DAB1: variants seen among roughly 807,000 people sequenced by gnomAD.
The protein encoded by DAB1 is disabled homolog 1.
DAB1 carries 15 observed loss-of-function variants against 64.6 expected under a neutral mutation model. The observed-to-expected ratio is 0.23, with a 90% CI of 0.16 to 0.36. The LOEUF is 0.36. DAB1 is among the 10% of genes least tolerant of loss of function. The pLI is 1.00. For missense variants in DAB1, 596 were observed against 706.7 expected (o/e 0.84, Z 1.78); for synonymous variants, 235 against 251.9 (o/e 0.93, Z 0.64).
At position 58,179,693 on chromosome 1, in the gene DAB1, AT is replaced by A. The variant is rs372793183; in HGVS notation, n.310-29106del. ...TAGTAATGTCATCTCTTTCATTCCA[AT>A]TTTTTTCATTTGCCTTTTGTCTCTT... On this transcript the variant is annotated intron_variant and non_coding_transcript_variant, in intron 4 of 20. Coordinates refer to the DAB1 transcript ENST00000485760. 3.6e-3 allele frequency among the ~76,000 whole-genome samples: 550 copies of A among 151,888 alleles called. 1 individual carries two copies. The highest frequency in any genetic ancestry group is 0.013 in the African/African-American group (535 of 41,460).
At chr1:58,215,257 C>T (rs1557698784) in intron 4 of DAB1, among the ~76,000 whole-genome samples, 3 of 152,112 alleles carry the variant, frequency 2.0e-5, no homozygotes, top group Non-Finnish European at 4.4e-5. Flanking sequence ...TAAAATTCTT[C>T]CCCAAGATCC....
chr1:57,181,916 C>T (rs773189357), intron 2 of DAB1, among the ~76,000 whole-genome samples: 6 of 152,106 alleles, frequency 3.9e-5, no homozygotes, highest in Admixed American at 6.5e-5. Context: ...GATGGAGTCT[C>T]GCTCTGTCAC....
At chr1:58,115,998 AAT>A (rs1652308102) in intron 5 of DAB1, among the ~76,000 whole-genome samples, 1 of 150,682 alleles carries the variant, frequency 6.6e-6, no homozygotes, top group Admixed American at 6.6e-5. Context: ...AAAAAAAAAA[AAT>A]TAATATTAAA....
At chr1:57,183,443 A>T (rs775972079) in intron 2 of DAB1, among the ~76,000 whole-genome samples, 9 of 152,176 alleles carry the variant, frequency 5.9e-5, no homozygotes, top group Admixed American at 1.3e-4. Context: ...AGTTGCCACG[A>T]TTATGGGTTG....
In DAB1 at chr1:57,585,329, A is replaced by G. The variant is rs370429297; in HGVS notation, n.625+64263T>C. Among the ~76,000 whole-genome samples the G allele has an allele frequency of 3.9e-5, 6 of 152,032 alleles. No individual in the cohort carries two copies. The South Asian group carries it at 8.3e-4, about 21-fold the overall frequency. ...GAGAAACCTTTAAACCAAAGAGACA[A>G]CAAAGTTAGATTTTTAAAGATTATA... is the stretch of plus-strand genomic sequence containing the variant. On this transcript the variant is annotated intron_variant and non_coding_transcript_variant, in intron 7 of 20. Transcript: ENST00000485760.
chr1:57,912,172 G>C (rs1370264317), intron 5 of DAB1, among the ~76,000 whole-genome samples: 7 of 152,126 alleles, frequency 4.6e-5, no homozygotes, highest in African/African-American at 1.4e-4. Flanking sequence ...TGTATGTCAC[G>C]TACTCACAGA....
chr1:57,606,679 ATTATG>A (rs1404250651), intron 7 of DAB1, among the ~76,000 whole-genome samples: 28 of 71,904 alleles, frequency 3.9e-4, no homozygotes, highest in Admixed American at 8.0e-4. Context: ...TGAAATATAT[ATTATG>A]TATGAAATAT....
intron 3 of DAB1, among the ~76,000 whole-genome samples, chr1:57,140,763 A>G (rs1405171849): frequency 1.3e-5 from 2 of 152,188 alleles, no homozygotes; most frequent in Non-Finnish European, 2.9e-5. Flanking sequence ...ATTAAGCAAT[A>G]CCACGTGCTA....
chr1:57,083,135 T>C (rs952455556), intron 4 of DAB1, among the ~76,000 whole-genome samples: 4 of 152,156 alleles, frequency 2.6e-5, no homozygotes, highest in African/African-American at 9.7e-5. Context: ...TAATCCTCAC[T>C]TCCACTCACC....
At chr1:58,197,574 T>C (rs1438210895) in intron 4 of DAB1, among the ~76,000 whole-genome samples, 2 of 152,026 alleles carry the variant, frequency 1.3e-5, no homozygotes, top group East Asian at 3.9e-4. Context: ...TTTGTGTTTT[T>C]TAGTAGAGAT....
chr1:57,971,602 C>T (rs1645798085), intron 5 of DAB1, among the ~76,000 whole-genome samples: 1 of 152,166 alleles, frequency 6.6e-6, no homozygotes, highest in Admixed American at 6.5e-5. Flanking sequence ...ATCTCTATCA[C>T]AGGAGTTTTG....
intron 6 of DAB1, among the ~76,000 whole-genome samples, chr1:57,706,682 G>T (rs1394016753): frequency 6.6e-6 from 1 of 151,828 alleles, no homozygotes; most frequent in Non-Finnish European, 1.5e-5. Flanking sequence ...TCCCCCAATG[G>T]TTATATCCTA....
intron 4 of DAB1, among the ~76,000 whole-genome samples, chr1:57,080,004 A>G (rs1166599524): frequency 1.3e-5 from 2 of 152,204 alleles, no homozygotes; most frequent in African/African-American, 4.8e-5. Flanking sequence ...CATCAAGTAC[A>G]GTGCCTGATG....
At chr1:58,195,369 C>T (rs574818575) in intron 4 of DAB1, among the ~76,000 whole-genome samples, 22 of 152,018 alleles carry the variant, frequency 1.4e-4, no homozygotes, top group African/African-American at 5.3e-4. Context: ...GATAGAATTG[C>T]AGAGATGGGT....
At chr1:57,001,428 T>C (rs1373258376) in intron 14 of DAB1, among the ~76,000 whole-genome samples, 1 of 152,164 alleles carries the variant, frequency 6.6e-6, no homozygotes, top group African/African-American at 2.4e-5. Flanking sequence ...AGTCTCTTAG[T>C]CCATTAGAGC....
chr1:57,128,860 A>T (rs191094192), intron 4 of DAB1, among the ~76,000 whole-genome samples: 37 of 152,288 alleles, frequency 2.4e-4, no homozygotes, highest in Middle Eastern at 6.8e-3. Flanking sequence ...CACTATGCCC[A>T]TGAAGGGGAG....
intron 6 of DAB1, among the ~76,000 whole-genome samples, chr1:57,781,514 A>G (rs1357858154): frequency 6.6e-6 from 1 of 152,036 alleles, no homozygotes; most frequent in Non-Finnish European, 1.5e-5. Context: ...AAACCTTACA[A>G]AAAAACCTAG....
rs535622066 is a variant in DAB1, at chr1:57,827,873, G to A, written n.88-1418C>T. On this transcript the variant is annotated intron_variant and non_coding_transcript_variant, in intron 1 of 1. Transcript: ENST00000477280. ...TACCTTGCTCCGGGTCCTATACCAG[G>A]CCCTTCACTTACATTACTTTATTAT... 2.6e-5 allele frequency among the ~76,000 whole-genome samples: 4 copies of A among 152,270 alleles called. No individual in the cohort carries two copies. The East Asian group carries it at 5.8e-4, about 22-fold the overall frequency.
chr1:57,910,196 C>A (rs1010629542), intron 5 of DAB1, among the ~76,000 whole-genome samples: 6 of 152,216 alleles, frequency 3.9e-5, no homozygotes, highest in Non-Finnish European at 7.3e-5. Context: ...TTCTGCTCCC[C>A]TGGGCTTGGA....
Sources: allele counts gnomAD v4.1 joint callset (sites outside exome capture counted in the v4.1 genomes callset), GRCh38; gene constraint gnomAD v4.1.1; transcripts MANE v1.5; gene names NCBI Gene and HGNC (gene_info 2026-07-23, HGNC 2026-07-21).